The following EHBP1 variants were observed in gnomAD, a reference collection of about 807,000 sequenced individuals.
EHBP1 encodes the protein EH domain-binding protein 1.
A neutral mutation model predicts 144.0 loss-of-function variants in EHBP1; 55 were observed. The ratio of observed to expected loss-of-function variants is 0.38; its 90% confidence interval spans 0.31 to 0.48. EHBP1 has a LOEUF of 0.48. Among genes scored for constraint, EHBP1 ranks in the 20% least tolerant of loss-of-function variants. EHBP1 has a pLI of 0.98. For synonymous variants in EHBP1, 469 were observed against 472.7 expected (o/e 0.99, Z 0.10); for missense variants, 1,200 against 1,364.2 (o/e 0.88, Z 1.90).
At chr2:62,708,164 C>T (rs1208445696) in intron 2 of EHBP1, among the ~76,000 whole-genome samples, 1 of 152,052 alleles carries the variant, frequency 6.6e-6, no homozygotes, top group African/African-American at 2.4e-5. Context: ...TTTTAACATC[C>T]ATTTTATTAG....
intron 19 of EHBP1, among the ~76,000 whole-genome samples, chr2:62,999,317 T>G (rs1442758950): frequency 1.3e-5 from 2 of 152,178 alleles, no homozygotes; most frequent in Non-Finnish European, 2.9e-5. Context: ...ATATTCAGGT[T>G]TTTTTTGCTG....
intron 7 of EHBP1, among the ~76,000 whole-genome samples, chr2:62,844,125 A>C (rs2048122131): frequency 6.6e-6 from 1 of 152,202 alleles, no homozygotes; most frequent in African/African-American, 2.4e-5. Context: ...TCTTAGATTG[A>C]CATCTCACGG....
chr2:62,853,596 A>G (rs1176957895), intron 7 of EHBP1, among the ~76,000 whole-genome samples: 2 of 152,198 alleles, frequency 1.3e-5, no homozygotes, highest in African/African-American at 4.8e-5. Flanking sequence ...ATGAATCACA[A>G]AATTCTTAAT....
chr2:62,758,700 C>T (rs2040509577), intron 3 of EHBP1, among the ~76,000 whole-genome samples: 1 of 152,094 alleles, frequency 6.6e-6, no homozygotes. Flanking sequence ...CAAAAAGAAA[C>T]CATAACTTTA....
intron 2 of EHBP1, among the ~76,000 whole-genome samples, chr2:62,708,300 T>G (rs1434893040): frequency 2.6e-5 from 4 of 152,252 alleles, no homozygotes; most frequent in Non-Finnish European, 5.9e-5. Flanking sequence ...GAGAAATGCA[T>G]GCACTCATTA....
intron 9 of EHBP1, among the ~76,000 whole-genome samples, chr2:62,865,670 A>G (rs2049979229): frequency 6.6e-6 from 1 of 152,226 alleles, no homozygotes. Flanking sequence ...GAATAAAATT[A>G]TTATATGAAA....
At position 63,037,515 on chromosome 2, in the gene EHBP1, T is replaced by C; in HGVS notation, c.3104-20T>C. 6.4e-7 allele frequency: 1 copy of C among 1,551,756 alleles called. No individual in the cohort carries two copies. The highest frequency in any genetic ancestry group is 8.8e-7 in the Non-Finnish European group (1 of 1,131,220). ...TGTTTTAACATCGTATAGTAAAAGGTAACTCTTCCCGAATTATAGGAAGGA... is the reference window on the plus strand; with the variant it reads ...TGTTTTAACATCGTATAGTAAAAGGCAACTCTTCCCGAATTATAGGAAGGA... On this transcript the variant is annotated intron_variant, in intron 19 of 22. Transcript: ENST00000431489.
rs1435208721 is a variant in EHBP1 at position 62,874,417 on chromosome 2, A to T, written c.1070A>T (p.Glu357Val). The T allele has an allele frequency of 6.2e-7, 1 of 1,613,786 alleles. No homozygotes were observed. Among genetic ancestry groups the T allele is most frequent in the South Asian group, 1.1e-5 (1 of 91,010 alleles). Residue 357 changes from glutamate (E) to valine (V), a missense_variant, in exon 10 of 23, where the codon GAA becomes GTA. Glu to Val is a moderately radical substitution (Grantham distance 121). This residue lies in a region of EHBP1 where 266 missense variants were observed against 262.4 expected (regional missense o/e 1.01). Transcript: ENST00000431489. ...TTGGTAAATCCTGTTCAAGAACTAG[A>T]AACTGAAAGGCGAGTGAAAAGAAAG... ...NNLVNPVQEL[E>V]TERRVKRKAP...
intron 2 of EHBP1, among the ~76,000 whole-genome samples, chr2:62,715,039 G>A (rs915923240): frequency 2.0e-5 from 3 of 152,160 alleles, no homozygotes; most frequent in African/African-American, 7.2e-5. Context: ...GAATTAATTT[G>A]CCAGCATTTG....
intron 8 of EHBP1, among the ~76,000 whole-genome samples, chr2:62,862,944 T>C (rs1336899254): frequency 6.6e-6 from 1 of 152,130 alleles, no homozygotes; most frequent in Non-Finnish European, 1.5e-5. Flanking sequence ...TAAGTACTAC[T>C]ACTACTATAG....
At position 63,041,315 on chromosome 2, in the gene EHBP1, C is replaced by G. The variant is rs142652801; in HGVS notation, c.3277+2499C>G. 4.0e-3 allele frequency among the ~76,000 whole-genome samples: 614 copies of G among 152,208 alleles called. 4 individuals are homozygous for G. The highest frequency in any genetic ancestry group is 6.6e-3 in the Non-Finnish European group (448 of 67,996). On this transcript the variant is annotated intron_variant, in intron 21 of 22. Coordinates refer to ENST00000431489, the MANE Select transcript of EHBP1 (RefSeq NM_001142616.3). ...CAAGCTAACAAACATCTTTTAGATA[C>G]TTTTCCTATAGTTTTTTTTGTTCCA...
At chr2:62,893,285 C>T (rs1340007992) in intron 10 of EHBP1, among the ~76,000 whole-genome samples, 1 of 152,094 alleles carries the variant, frequency 6.6e-6, no homozygotes, top group African/African-American at 2.4e-5. Context: ...CATTAGTAAC[C>T]TGAGTATTTT....
At chr2:63,024,070 G>T (rs754655913) in intron 19 of EHBP1, among the ~76,000 whole-genome samples, 4 of 152,176 alleles carry the variant, frequency 2.6e-5, no homozygotes, top group Non-Finnish European at 4.4e-5. Flanking sequence ...GATCAGCCAG[G>T]CGCGGTGGCT....
intron 9 of EHBP1, among the ~76,000 whole-genome samples, chr2:62,873,064 G>A (rs570627403): frequency 6.6e-6 from 1 of 152,268 alleles, no homozygotes; most frequent in Admixed American, 6.5e-5. Flanking sequence ...CTTGGCAAAT[G>A]CAAGTGTTAA....
intron 2 of EHBP1, among the ~76,000 whole-genome samples, chr2:62,734,578 C>A (rs1456554752): frequency 1.3e-5 from 2 of 152,088 alleles, no homozygotes; most frequent in East Asian, 3.9e-4. Context: ...GGAAAACATA[C>A]AATTGGGTCT....
intron 1 of EHBP1, among the ~76,000 whole-genome samples, chr2:62,686,588 C>T (rs569164560): frequency 7.9e-5 from 12 of 152,206 alleles, no homozygotes; most frequent in Middle Eastern, 3.4e-3. Flanking sequence ...ATAAAAAGTC[C>T]CTTGTGTCAT....
chr2:63,006,031 C>T (rs908510333), intron 19 of EHBP1, among the ~76,000 whole-genome samples: 1 of 151,870 alleles, frequency 6.6e-6, no homozygotes. Flanking sequence ...TTTAAAACTG[C>T]CTTAAGGAAG....
rs202140749 is a variant in EHBP1, at chr2:62,948,842, T to C, written c.1996T>C (p.Tyr666His). ...KAETLELSDL[Y>H]VSDKKKDMSP... ...TGAGACTTTAGAATTGAGTGACTTA[T>C]ATGTTAGTGATAAGAAGAAGGATAT... is the stretch of plus-strand genomic sequence containing the variant. The change falls in exon 13 of 23, where the codon TAT becomes CAT. Residue 666 changes from tyrosine to histidine, a missense_variant. Transcript: ENST00000431489. 13 of 1,614,130 alleles carry C rather than the reference T, an allele frequency of 8.1e-6. No homozygotes were observed. The highest frequency in any genetic ancestry group is 3.3e-5 in the Admixed American group (2 of 60,016).
At chr2:62,693,529 A>G (rs1189477990) in intron 1 of EHBP1, among the ~76,000 whole-genome samples, 2 of 152,146 alleles carry the variant, frequency 1.3e-5, no homozygotes, top group Admixed American at 6.5e-5. Flanking sequence ...TATAGGATAC[A>G]TGTGTGTTTT....
Sources: allele counts gnomAD v4.1 joint callset (sites outside exome capture counted in the v4.1 genomes callset), GRCh38; gene constraint gnomAD v4.1.1; regional missense constraint gnomAD v4.1.1; transcripts MANE v1.5; gene names NCBI Gene and HGNC (gene_info 2026-07-23, HGNC 2026-07-21).